Variants in PLCH1 observed in about 807,000 individuals in gnomAD.
PLCH1 encodes the protein phospholipase C eta 1.
PLCH1 carries 60 observed loss-of-function variants against 126.7 expected under a neutral mutation model. The observed-to-expected ratio is 0.47, with a 90% CI of 0.38 to 0.59. The LOEUF (loss-of-function observed/expected upper bound fraction) is 0.59, where lower values mean the gene tolerates loss of function less well. Among genes scored for constraint, PLCH1 ranks in the 20% least tolerant of loss-of-function variants. The probability of loss-of-function intolerance (pLI) is 0.00; values close to 1 mark genes in which losing one functional copy is unlikely to be tolerated. For missense variants in PLCH1, 1,723 were observed against 2,040.0 expected (o/e 0.84, Z 2.99); for synonymous variants, 719 against 734.9 (o/e 0.98, Z 0.35).
chr3:155,591,118 CT>C (rs1732111379), intron 4 of PLCH1, among the ~76,000 whole-genome samples: 1 of 152,190 alleles, frequency 6.6e-6, no homozygotes, highest in African/African-American at 2.4e-5. Context: ...TAACTCATCT[CT>C]TTCAAGGATT....
At chr3:155,693,238 G>T (rs1315427691) in intron 2 of PLCH1, among the ~76,000 whole-genome samples, 1 of 85,218 alleles carries the variant, frequency 1.2e-5, no homozygotes, top group Non-Finnish European at 2.0e-5. Flanking sequence ...GGCCGAGGCG[G>T]GTGGATCATG....
At chr3:155,714,594 C>A (rs1436824429) in intron 1 of PLCH1, among the ~76,000 whole-genome samples, 2 of 152,186 alleles carry the variant, frequency 1.3e-5, no homozygotes, top group African/African-American at 4.8e-5. Context: ...ACCACTAAAT[C>A]CCAAGTTCCT....
At chr3:155,468,831 C>T (rs1451360453) in intron 21 of PLCH1, among the ~76,000 whole-genome samples, 1 of 152,058 alleles carries the variant, frequency 6.6e-6, no homozygotes, top group East Asian at 1.9e-4. Flanking sequence ...TGGGAGACAT[C>T]AACACTCCAC....
intron 2 of PLCH1, among the ~76,000 whole-genome samples, chr3:155,664,210 C>T (rs371048297): frequency 1.1e-4 from 17 of 152,158 alleles, no homozygotes; most frequent in Non-Finnish European, 4.4e-5. Context: ...TTGGCTAGTT[C>T]GCTATTCCAC....
chr3:155,557,049 T>G (rs1261427530), intron 8 of PLCH1, among the ~76,000 whole-genome samples: 1 of 152,110 alleles, frequency 6.6e-6, no homozygotes, highest in African/African-American at 2.4e-5. Context: ...AAAAACAATG[T>G]TTAAGGATAA....
In PLCH1 at chr3:155,481,009, T is replaced by C; in HGVS notation, c.5017A>G (p.Ser1673Gly). The change falls in exon 23 of 23, where the codon AGT becomes GGT. Residue 1673 changes from serine (S) to glycine (G), a missense_variant. Around this residue, in one of 2 missense-constraint regions of PLCH1, gnomAD observed 947 missense variants for 977.1 expected, o/e 0.97. Coordinates refer to ENST00000460012, the MANE Select transcript of PLCH1 (RefSeq NM_014996.4). The surrounding 1 kb of genome is among the most constrained non-coding windows in gnomAD (Gnocchi z 4.2). Reference sequence around the variant, plus strand: ...AAATAAATTTCTGGTTTATCATCACTGCTTGGCTCAGTCTGCAAAACAGAA... The same window carrying C: ...AAATAAATTTCTGGTTTATCATCACCGCTTGGCTCAGTCTGCAAAACAGAA... Reference protein sequence around the residue: ...DNSVLQTEPSSDDKPEIYFLL... With the variant: ...DNSVLQTEPSGDDKPEIYFLL... 1 of 1,605,122 alleles carries C rather than the reference T, an allele frequency of 6.2e-7. No homozygotes were observed. Among genetic ancestry groups the C allele is most frequent in the Non-Finnish European group, 8.5e-7 (1 of 1,173,014 alleles).
At chr3:155,570,275 A>C (rs1394634493) in intron 6 of PLCH1, among the ~76,000 whole-genome samples, 1 of 152,144 alleles carries the variant, frequency 6.6e-6, no homozygotes, top group East Asian at 1.9e-4. Flanking sequence ...TTATTGTATG[A>C]CTGAAGGTTC....
At chr3:155,626,712 T>C (rs1274827246) in intron 2 of PLCH1, among the ~76,000 whole-genome samples, 1 of 134,198 alleles carries the variant, frequency 7.5e-6, no homozygotes, top group Non-Finnish European at 1.5e-5. Flanking sequence ...GAGCTTGCAG[T>C]GAGCCGAGAT....
intron 7 of PLCH1, among the ~76,000 whole-genome samples, chr3:155,566,132 C>CATATATATGTATATATACAT (rs1553838875): frequency 0.018 from 2,401 of 130,342 alleles, 251 homozygotes; most frequent in African/African-American, 0.069. Context: ...TGTATATATA[C>CATATATATGTATATATACAT]ATATATATGT....
At chr3:155,701,757 G>A (rs904622076) in intron 2 of PLCH1, among the ~76,000 whole-genome samples, 3 of 152,126 alleles carry the variant, frequency 2.0e-5, no homozygotes, top group African/African-American at 7.2e-5. Context: ...AGCTCCCTTG[G>A]TTTAAAATAT....
At chr3:155,602,320 A>T (rs72998903) in intron 2 of PLCH1, among the ~76,000 whole-genome samples, 8,005 of 152,252 alleles carry the variant, frequency 0.053, 435 homozygotes, top group African/African-American at 0.13. Flanking sequence ...AAGAAGGATA[A>T]ATCAGATAAC....
chr3:155,550,443 G>A lies in PLCH1; in HGVS notation c.1191-485C>T, dbSNP rs564864467. Among the ~76,000 whole-genome samples, 5 of 152,140 alleles carry A rather than the reference G, an allele frequency of 3.3e-5. No homozygotes were observed. In the South Asian group the frequency reaches 1.0e-3, roughly 32 times the overall value. Reference sequence around the variant, plus strand: ...ATGATTGAGGATAAAATAACATAAGGGAATTCTGTGTTTTATAGCATCCTA... The same window carrying A: ...ATGATTGAGGATAAAATAACATAAGAGAATTCTGTGTTTTATAGCATCCTA... On this transcript the variant is annotated intron_variant, in intron 9 of 22. Coordinates refer to ENST00000460012, the MANE Select transcript of PLCH1 (RefSeq NM_014996.4).
rs1055891513 is a variant in PLCH1 at position 155,517,492 on chromosome 3, T to G, written c.1471-2608A>C. 5.9e-5 allele frequency among the ~76,000 whole-genome samples: 9 copies of G among 152,146 alleles called. No individual in the cohort carries two copies. In the South Asian group the frequency reaches 6.2e-4, roughly 11 times the overall value. On this transcript the variant is annotated intron_variant, in intron 11 of 22. Coordinates refer to ENST00000460012, the MANE Select transcript of PLCH1 (RefSeq NM_014996.4). ...TAGGGGAGGATCCTTCCTTGCCTCTTCCAGCTTATGGTGGCCCTATGTATT... is the reference window on the plus strand; with the variant it reads ...TAGGGGAGGATCCTTCCTTGCCTCTGCCAGCTTATGGTGGCCCTATGTATT...
intron 21 of PLCH1, chr3:155,486,290 T>A: frequency 1.3e-6 from 1 of 786,854 alleles, no homozygotes; most frequent in Non-Finnish European, 2.1e-6. Context: ...AAAGAAAAAA[T>A]GCATACATGT....
chr3:155,697,218 G>T (rs1745889224), intron 2 of PLCH1, among the ~76,000 whole-genome samples: 1 of 152,124 alleles, frequency 6.6e-6, no homozygotes. Context: ...ACATAATGCT[G>T]CAAAAAGCAA....
intron 2 of PLCH1, among the ~76,000 whole-genome samples, chr3:155,701,412 C>T (rs546832188): frequency 6.6e-6 from 1 of 152,240 alleles, no homozygotes; most frequent in Non-Finnish European, 1.5e-5. Flanking sequence ...GCTCTTTTAT[C>T]CTGGCAACAC....
intron 2 of PLCH1, among the ~76,000 whole-genome samples, chr3:155,625,607 C>T (rs1737134062): frequency 6.6e-6 from 1 of 152,058 alleles, no homozygotes; most frequent in South Asian, 2.1e-4. Context: ...ATTTATGCAG[C>T]CAAAAAGCAT....
chr3:155,641,516 T>C (rs1413123651), intron 2 of PLCH1, among the ~76,000 whole-genome samples: 6 of 152,032 alleles, frequency 3.9e-5, no homozygotes, highest in Non-Finnish European at 8.8e-5. Context: ...ATATAAGAAA[T>C]ATTAAAGGGA....
At chr3:155,661,042 G>A (rs777445578) in intron 2 of PLCH1, among the ~76,000 whole-genome samples, 1 of 152,166 alleles carries the variant, frequency 6.6e-6, no homozygotes, top group Non-Finnish European at 1.5e-5. Flanking sequence ...TGTCAGCATT[G>A]CCCATAGCAG....
Sources: gnomAD v4.1 joint callset for allele counts (sites outside exome capture counted in the v4.1 genomes callset) on GRCh38, gnomAD v4.1.1 for gene constraint, gnomAD v4.1.1 regional missense constraint, Gnocchi (gnomAD v3.1) non-coding constraint, MANE v1.5 for transcripts, NCBI Gene and HGNC (gene_info 2026-07-23, HGNC 2026-07-21) for gene names.